Variants in CADM2 observed in about 807,000 individuals in gnomAD.
CADM2 encodes immunoglobulin superfamily member 4D.
Under a neutral mutation model 49.8 loss-of-function variants are expected in CADM2, and 12 were observed. The ratio of observed to expected loss-of-function variants is 0.24; its 90% confidence interval spans 0.15 to 0.39. CADM2 has a LOEUF of 0.39. Among genes scored for constraint, CADM2 ranks in the 10% least tolerant of loss-of-function variants. The pLI, the probability that CADM2 is intolerant of heterozygous loss-of-function variation, is 1.00. For synonymous variants in CADM2, 214 were observed against 175.4 expected, an observed-to-expected ratio of 1.22 and a Z score of -1.74; for missense variants, 378 against 492.3, an observed-to-expected ratio of 0.77 and a Z score of 2.20.
chr3:85,463,231 T>C (rs547123044), intron 1 of CADM2, among the ~76,000 whole-genome samples: 1 of 152,304 alleles, frequency 6.6e-6, no homozygotes, highest in East Asian at 1.9e-4. Context: ...ATAGGCCTTG[T>C]GAATGTAAAG....
In CADM2 at chr3:85,406,881, A is replaced by G. The variant is rs138451592; in HGVS notation, c.62-319641A>G. ...CATCTTCAATTTACTTTCTACATAG[A>G]AGACATTATTTGAAGAATTAAAGAC... On this transcript the variant is annotated intron_variant, in intron 1 of 9. Transcript: ENST00000383699. Among the ~76,000 whole-genome samples, 3 of 152,190 alleles carry G rather than the reference A, an allele frequency of 2.0e-5. No homozygotes were observed. In the East Asian group the frequency reaches 5.8e-4, roughly 29 times the overall value.
chr3:85,509,435 G>A (rs2040511128), intron 1 of CADM2, among the ~76,000 whole-genome samples: 1 of 152,078 alleles, frequency 6.6e-6, no homozygotes, highest in African/African-American at 2.4e-5. Flanking sequence ...CTGTGGCCTG[G>A]TTAGGAAATT....
At chr3:85,259,623 C>T (rs1256743612) in intron 1 of CADM2, among the ~76,000 whole-genome samples, 1 of 152,062 alleles carries the variant, frequency 6.6e-6, no homozygotes, top group Non-Finnish European at 1.5e-5. Flanking sequence ...AATGTGGTAG[C>T]TCATACATTG....
chr3:85,532,139 T>C (rs2061327647), intron 1 of CADM2, among the ~76,000 whole-genome samples: 5 of 152,146 alleles, frequency 3.3e-5, no homozygotes, highest in Admixed American at 2.6e-4. Flanking sequence ...ATCCCGCCAT[T>C]GCACTCTAGC....
intron 8 of CADM2, among the ~76,000 whole-genome samples, chr3:86,008,750 A>AT (rs1731099786): frequency 6.6e-6 from 1 of 151,930 alleles, no homozygotes; most frequent in Non-Finnish European, 1.5e-5. Context: ...ACACAGATGA[A>AT]TTTTTTATAA....
intron 1 of CADM2, among the ~76,000 whole-genome samples, chr3:85,024,061 C>T (rs1431864446): frequency 1.3e-5 from 2 of 152,048 alleles, no homozygotes; most frequent in Non-Finnish European, 2.9e-5. Flanking sequence ...TATTTGCTTT[C>T]CCCAGCCATA....
chr3:85,941,634 A>G (rs1721926122), intron 7 of CADM2, among the ~76,000 whole-genome samples: 1 of 152,076 alleles, frequency 6.6e-6, no homozygotes, highest in African/African-American at 2.4e-5. Flanking sequence ...AGGTAGGACA[A>G]GTTTAGATCA....
At chr3:85,659,041 G>T (rs2107604373) in intron 1 of CADM2, among the ~76,000 whole-genome samples, 2 of 98,810 alleles carry the variant, frequency 2.0e-5, no homozygotes, top group East Asian at 3.6e-4. Context: ...AACAGAGTGA[G>T]ACTCTGTCTC....
At chr3:85,419,955 G>A (rs2036093489) in intron 1 of CADM2, among the ~76,000 whole-genome samples, 2 of 152,266 alleles carry the variant, frequency 1.3e-5, no homozygotes, top group East Asian at 3.9e-4. Context: ...TTTCTGACAA[G>A]CTTGTAGGAG....
chr3:85,914,582 C>T (rs373039292), intron 6 of CADM2, among the ~76,000 whole-genome samples: 33 of 152,186 alleles, frequency 2.2e-4, no homozygotes, highest in Non-Finnish European at 1.3e-4. Context: ...ACTTAGTTAA[C>T]GGTAATTCTA....
intron 1 of CADM2, among the ~76,000 whole-genome samples, chr3:85,359,490 G>A (rs747781040): frequency 4.6e-5 from 7 of 150,688 alleles, no homozygotes; most frequent in Non-Finnish European, 7.4e-5. Context: ...CTTTGACCAA[G>A]TTGTGTGTCA....
At chr3:85,352,290 A>C (rs2031428317) in intron 1 of CADM2, among the ~76,000 whole-genome samples, 1 of 152,180 alleles carries the variant, frequency 6.6e-6, no homozygotes, top group South Asian at 2.1e-4. Flanking sequence ...GAAGACAAAC[A>C]CATTTAGAAA....
At chr3:85,905,742 C>A (rs918284430) in intron 5 of CADM2, among the ~76,000 whole-genome samples, 2 of 151,978 alleles carry the variant, frequency 1.3e-5, no homozygotes, top group Non-Finnish European at 2.9e-5. Context: ...TTATATTGAA[C>A]CTTGTGAATG....
chr3:85,944,947 T>C (rs932446975), intron 7 of CADM2, among the ~76,000 whole-genome samples: 1 of 151,638 alleles, frequency 6.6e-6, no homozygotes, highest in African/African-American at 2.4e-5. Flanking sequence ...CTGAAGGAAA[T>C]AGAGACACAA....
chr3:85,617,254 G>T (rs1195557789), intron 1 of CADM2, among the ~76,000 whole-genome samples: 1 of 152,064 alleles, frequency 6.6e-6, no homozygotes, highest in Non-Finnish European at 1.5e-5. Context: ...CTCAAGTTGG[G>T]GTTCCCACAA....
chr3:85,236,793 C>T (rs963859928), intron 1 of CADM2, among the ~76,000 whole-genome samples: 2 of 151,806 alleles, frequency 1.3e-5, no homozygotes, highest in Non-Finnish European at 2.9e-5. Context: ...TGATAGGGCT[C>T]GTATAAATGG....
At chr3:85,226,345 T>A (rs9814588) in intron 1 of CADM2, among the ~76,000 whole-genome samples, 102,352 of 151,602 alleles carry the variant, frequency 0.68, 35,424 homozygotes, top group African/African-American at 0.82. Flanking sequence ...CCTGGTTTAG[T>A]CTTGGGAGGG....
At chr3:85,438,226 A>T (rs183437921) in intron 1 of CADM2, among the ~76,000 whole-genome samples, 3 of 152,202 alleles carry the variant, frequency 2.0e-5, no homozygotes, top group Admixed American at 1.3e-4. Context: ...TTAACAAAAA[A>T]ATTTACTTAT....
chr3:86,008,769 A>C (rs996827033), intron 8 of CADM2, among the ~76,000 whole-genome samples: 1 of 152,010 alleles, frequency 6.6e-6, no homozygotes, highest in Non-Finnish European at 1.5e-5. Flanking sequence ...AATTTCATTA[A>C]TAAGGTTATC....
Sources: allele counts gnomAD v4.1 joint callset (sites outside exome capture counted in the v4.1 genomes callset), GRCh38; gene constraint gnomAD v4.1.1; transcripts MANE v1.5; gene names NCBI Gene and HGNC (gene_info 2026-07-23, HGNC 2026-07-21).